OR2H1: variants seen among roughly 807,000 people sequenced by gnomAD.
The protein encoded by OR2H1 is olfactory receptor 2H1.
For synonymous variants in OR2H1, 155 were observed against 155.2 expected, an observed-to-expected ratio of 1.00 and a Z score of 0.01; for missense variants, 380 against 367.3, an observed-to-expected ratio of 1.03 and a Z score of -0.28.
chr6:29,462,891 G>T lies in OR2H1; in HGVS notation c.*171G>T. On this transcript the variant is annotated 3_prime_UTR_variant, in exon 4 of 4. Coordinates refer to ENST00000377133, the MANE Select transcript of OR2H1 (RefSeq NM_030883.5). Reference sequence around the variant, plus strand: ...AGGGACAGAGAGATAAAAGAAATTGGGTGAGAGGAGATAGGTAGCTCCATA... The same window carrying T: ...AGGGACAGAGAGATAAAAGAAATTGTGTGAGAGGAGATAGGTAGCTCCATA... 1.6e-6 allele frequency: 1 copy of T among 607,358 alleles called. No individual in the cohort carries two copies. Among genetic ancestry groups the T allele is most frequent in the Non-Finnish European group, 3.0e-6 (1 of 336,248 alleles). The allele number at this position is 607,358 out of a possible 1,614,324, so 37.6% of individuals were successfully genotyped here.
At position 29,462,206 on chromosome 6, in the gene OR2H1, C is replaced by A. The variant is rs1582676063; in HGVS notation, c.437C>A (p.Ala146Asp). 6.2e-7 allele frequency: 1 copy of A among 1,613,562 alleles called. No homozygotes were observed. The highest frequency in any genetic ancestry group is 2.2e-5 in the East Asian group (1 of 44,882). Residue 146 changes from alanine (A) to aspartate (D), a missense_variant, in exon 4 of 4, where the codon GCC becomes GAC. Ala to Asp is a moderately radical substitution (Grantham distance 126). Transcript: ENST00000377133. ...CTGTGCTGGCAGCTGGCATCTGTGG[C>A]CTGGGTTATGAGTCTGGTTCAATCG... ...PRLCWQLASV[A>D]WVMSLVQSIV...
intron 3 of OR2H1, 25 bp from the exon 4 acceptor site, chr6:29,461,470 A>C (rs1409911735): frequency 1.9e-5 from 8 of 412,962 alleles, no homozygotes; most frequent in Non-Finnish European, 3.0e-5. Flanking sequence ...CATGTTTTAC[A>C]TCAGCTTTCT....
chr6:29,458,358 T>A (rs937621285), intron 1 of OR2H1, 96 bp from the exon 2 acceptor site: 1 of 152,222 alleles, frequency 6.6e-6, no homozygotes, highest in Non-Finnish European at 1.5e-5. Flanking sequence ...TATGAAGCGC[T>A]TTTTTGAGTG....
rs1787581714 is a variant in OR2H1, at chr6:29,463,545, G to A, written c.*825G>A. 1 of 167,160 alleles carries A rather than the reference G, an allele frequency of 6.0e-6. No individual in the cohort carries two copies. The allele number at this position is 167,160 out of a possible 1,614,324, so 10.4% of individuals were successfully genotyped here. On this transcript the variant is annotated 3_prime_UTR_variant, in exon 4 of 4. Transcript: ENST00000377133. ...TATATGTAAATAATAAGCCATCTAA[G>A]TGTAAAAGTGGCTCATATCTTCTCC...
chr6:29,458,896 G>C (rs531970924), intron 2 of OR2H1, among the ~76,000 whole-genome samples: 1 of 152,192 alleles, frequency 6.6e-6, no homozygotes, highest in East Asian at 1.9e-4. Context: ...GTAGCAGTTA[G>C]TACATGACTG....
chr6:29,460,030 C>T (rs1015948657), intron 2 of OR2H1: 1 of 152,108 alleles, frequency 6.6e-6, no homozygotes, highest in African/African-American at 2.4e-5. Flanking sequence ...GGAACTGAAC[C>T]GACCAGCCTA....
rs768596796 is a variant in OR2H1, at chr6:29,462,544, C to A, written c.775C>A (p.Gln259Lys). The A allele has an allele frequency of 6.2e-7, 1 of 1,612,866 alleles. No homozygotes were observed. Among genetic ancestry groups the A allele is most frequent in the Non-Finnish European group, 8.5e-7 (1 of 1,180,028 alleles). Residue 259 changes from glutamine (Q) to lysine (K), a missense_variant, in exon 4 of 4, where the codon CAG becomes AAG. By Grantham distance (53) the Gln-to-Lys change is moderately conservative. Transcript: ENST00000377133. ...FYSSVIAVYL[Q>K]PKNPYAQGRG... ...CAGCTCAGTCATTGCTGTCTACCTC[C>A]AGCCCAAAAATCCGTATGCCCAAGG...
intron 2 of OR2H1, chr6:29,459,938 G>A (rs1414253981): frequency 6.6e-6 from 1 of 152,096 alleles, no homozygotes; most frequent in East Asian, 1.9e-4. Flanking sequence ...TGTTGGGGAG[G>A]GTCTCAATTT....
rs1193829610 is a variant in OR2H1, at chr6:29,462,493, C to T, written c.724C>T (p.His242Tyr). ...AAAGGCCTTTGGGACCTGCTCCTCC[C>T]ATCTCACTGTGGTCACCCTCTTCTA... ...WRKAFGTCSS[H>Y]LTVVTLFYSS... Residue 242 changes from histidine (H) to tyrosine (Y), a missense_variant, in exon 4 of 4, where the codon CAT becomes TAT. By Grantham distance (83) the His-to-Tyr change is moderately conservative. Coordinates refer to ENST00000377133, the MANE Select transcript of OR2H1 (RefSeq NM_030883.5). 1 of 1,613,092 alleles carries T rather than the reference C, an allele frequency of 6.2e-7. No individual in the cohort carries two copies. The highest frequency in any genetic ancestry group is 1.1e-5 in the South Asian group (1 of 91,076).
intron 3 of OR2H1, chr6:29,460,962 A>T (rs1373032200): frequency 2.0e-5 from 3 of 152,164 alleles, no homozygotes; most frequent in Admixed American, 6.5e-5. Context: ...AAAAAATTTT[A>T]AAAATTATAT....
intron 2 of OR2H1, among the ~76,000 whole-genome samples, chr6:29,458,900 A>G (rs138851645): frequency 4.6e-5 from 7 of 152,306 alleles, no homozygotes; most frequent in African/African-American, 1.7e-4. Flanking sequence ...CAGTTAGTAC[A>G]TGACTGGCTC....
At position 29,462,181 on chromosome 6, in the gene OR2H1, C is replaced by G. The variant is rs767393783; in HGVS notation, c.412C>G (p.Leu138Val). ...CTATGCCACCATCATCCACCCCCGCCTGTGCTGGCAGCTGGCATCTGTGGC... is the reference window on the plus strand; with the variant it reads ...CTATGCCACCATCATCCACCCCCGCGTGTGCTGGCAGCTGGCATCTGTGGC... The part of the protein sequence containing the change: ...LHYATIIHPR[L>V]CWQLASVAWV... Residue 138 changes from leucine to valine, a missense_variant, in exon 4 of 4, where the codon CTG becomes GTG. By Grantham distance (32) the Leu-to-Val change is conservative. Transcript: ENST00000377133. 1 of 1,613,706 alleles carries G rather than the reference C, an allele frequency of 6.2e-7. No homozygotes were observed. Among genetic ancestry groups the G allele is most frequent in the Non-Finnish European group, 8.5e-7 (1 of 1,180,030 alleles).
intron 3 of OR2H1, 30 bp downstream of exon 3, chr6:29,460,484 G>T (rs1787124288): frequency 6.8e-6 from 1 of 147,470 alleles, no homozygotes; most frequent in South Asian, 2.1e-4. Context: ...CTCCCAAAGT[G>T]CTGGGATTAT....
intron 3 of OR2H1, 39 bp downstream of exon 3, chr6:29,460,493 A>T (rs1787125439): frequency 2.1e-5 from 3 of 145,154 alleles, no homozygotes. Context: ...TGCTGGGATT[A>T]TAGGCGTGAG....
Position 29,461,530 on chromosome 6 carries a change from T to G in OR2H1, c.-240T>G, listed in dbSNP as rs1787244737. On this transcript the variant is annotated 5_prime_UTR_variant, in exon 4 of 4. Coordinates refer to ENST00000377133, the MANE Select transcript of OR2H1 (RefSeq NM_030883.5). ...GCACCAATGTGAGGTTCCACCTGCT[T>G]TCCAGCACATTCTTGGTTTCCTCAC... is the stretch of plus-strand genomic sequence containing the variant. The G allele has an allele frequency of 2.1e-6, 1 of 484,964 alleles. No homozygotes were observed. The highest frequency in any genetic ancestry group is 4.8e-5 in the South Asian group (1 of 20,784). The allele number at this position is 484,964 out of a possible 1,614,324, so 30.0% of individuals were successfully genotyped here.
At position 29,463,930 on chromosome 6, in the gene OR2H1, T is replaced by C. The variant is rs1787626985; in HGVS notation, c.*1210T>C. On this transcript the variant is annotated 3_prime_UTR_variant, in exon 4 of 4. Coordinates refer to ENST00000377133, the MANE Select transcript of OR2H1 (RefSeq NM_030883.5). Reference sequence around the variant, plus strand: ...TGAAGCCTCTTCCCTCATGACCTAATCACTGCCCAAAGGCCCCATGTTCTA... The same window carrying C: ...TGAAGCCTCTTCCCTCATGACCTAACCACTGCCCAAAGGCCCCATGTTCTA... The C allele has an allele frequency of 6.0e-6, 1 of 165,968 alleles. No individual in the cohort carries two copies. Among genetic ancestry groups the C allele is most frequent in the African/African-American group, 2.4e-5 (1 of 41,452 alleles). 10.3% of individuals were successfully genotyped at this position (165,968 alleles called of 1,614,324 possible).
At position 29,462,826 on chromosome 6, in the gene OR2H1, G is replaced by C. The variant is rs1193869727; in HGVS notation, c.*106G>C. ...ACCTGAGCCACTGTGGTGGGTCACA[G>C]TGTGGCTATGTTATCTATGAGAGGG... is the stretch of plus-strand genomic sequence containing the variant. On this transcript the variant is annotated 3_prime_UTR_variant, in exon 4 of 4. Transcript: ENST00000377133. The C allele has an allele frequency of 2.7e-6, 2 of 735,738 alleles. No individual in the cohort carries two copies. Among genetic ancestry groups the C allele is most frequent in the African/African-American group, 3.6e-5 (2 of 56,088 alleles). The allele number at this position is 735,738 out of a possible 1,614,324, so 45.6% of individuals were successfully genotyped here.
Position 29,458,579 on chromosome 6 carries a change from A to G in OR2H1, c.-327+10A>G, listed in dbSNP as rs928759049. 9.2e-5 allele frequency: 14 copies of G among 152,226 alleles called. No individual in the cohort carries two copies. The highest frequency in any genetic ancestry group is 3.4e-4 in the African/African-American group (14 of 41,434). 9.4% of individuals were successfully genotyped at this position (152,226 alleles called of 1,614,324 possible). On this transcript the variant is annotated intron_variant, in intron 2 of 3. Coordinates refer to ENST00000377133, the MANE Select transcript of OR2H1 (RefSeq NM_030883.5). ...TCTGACTTAATTGCAAGTAAGTCAC[A>G]AGTTTATTCCCCTACAGCCCATCAA...
chr6:29,463,081 A>T lies in OR2H1; in HGVS notation c.*361A>T, dbSNP rs1156495615. On this transcript the variant is annotated 3_prime_UTR_variant, in exon 4 of 4. Coordinates refer to ENST00000377133, the MANE Select transcript of OR2H1 (RefSeq NM_030883.5). Reference sequence around the variant, plus strand: ...TCCAATTGTCATGTCAGTGTAGGGGAACTACTCCATCATAGCATTCTGGAC... The same window carrying T: ...TCCAATTGTCATGTCAGTGTAGGGGTACTACTCCATCATAGCATTCTGGAC... 3.5e-6 allele frequency: 1 copy of T among 285,850 alleles called. No homozygotes were observed. The highest frequency in any genetic ancestry group is 7.0e-6 in the Non-Finnish European group (1 of 143,864). The allele number at this position is 285,850 out of a possible 1,614,324, so 17.7% of individuals were successfully genotyped here. A position where few individuals can be genotyped will look rare whatever the true frequency, so the allele number is the denominator to read the frequency against.
Sources: allele counts gnomAD v4.1 joint callset (sites outside exome capture counted in the v4.1 genomes callset), GRCh38; gene constraint gnomAD v4.1.1; transcripts MANE v1.5; gene names NCBI Gene and HGNC (gene_info 2026-07-23, HGNC 2026-07-21).